UBXN6: variants seen among roughly 807,000 people sequenced by gnomAD.
UBXN6 encodes UBX domain-containing protein 6.
A neutral mutation model predicts 51.4 loss-of-function variants in UBXN6; 44 were observed. The observed-to-expected ratio is 0.86, with a 90% confidence interval of 0.67 to 1.10. The LOEUF (loss-of-function observed/expected upper bound fraction) is 1.10. UBXN6 is among the 50% of genes least tolerant of loss of function. The pLI is 0.00. For synonymous variants in UBXN6, 316 were observed against 263.2 expected, an observed-to-expected ratio of 1.20 and a Z score of -1.94; for missense variants, 672 against 596.1, an observed-to-expected ratio of 1.13 and a Z score of -1.32.
intron 1 of UBXN6, among the ~76,000 whole-genome samples, chr19:4,456,845 C>T (rs1036898834): frequency 6.6e-6 from 1 of 152,134 alleles, no homozygotes; most frequent in Non-Finnish European, 1.5e-5. Flanking sequence ...AGGCCCCTCC[C>T]GGGTAAGAGT....
At chr19:4,447,042 C>G (rs984624938) in intron 6 of UBXN6, 122 bp from the exon 7 acceptor site, 1 of 985,408 alleles carries the variant, frequency 1.0e-6, no homozygotes. Context: ...TGGATGGGGC[C>G]CAGCCCTGGG....
In UBXN6 at chr19:4,452,423, T is replaced by C; in HGVS notation, c.382A>G (p.Thr128Ala). ...TGGTCCTTCCTCAGGGTGGCCCCAG[T>C]GAGCGGACAGGTGAAGTACACGCCA... ...VPGVYFTCPL[T>A]GATLRKDQRD... The change falls in exon 4 of 11, where the codon ACT (threonine) becomes GCT (alanine). Residue 128 changes from threonine to alanine, a missense_variant. Coordinates refer to ENST00000301281, the MANE Select transcript of UBXN6 (RefSeq NM_025241.3). 6.2e-7 allele frequency: 1 copy of C among 1,613,012 alleles called. No individual in the cohort carries two copies. Among genetic ancestry groups the C allele is most frequent in the South Asian group, 1.1e-5 (1 of 91,004 alleles).
chr19:4,450,636 G>A (rs564272889), intron 4 of UBXN6: 1 of 152,086 alleles, frequency 6.6e-6, no homozygotes, highest in African/African-American at 2.4e-5. Flanking sequence ...CGGTTCGCCT[G>A]TGGTCCCAGC....
intron 4 of UBXN6, 110 bp downstream of exon 4, chr19:4,452,254 T>G: frequency 6.7e-7 from 1 of 1,486,002 alleles, no homozygotes; most frequent in Non-Finnish European, 9.0e-7. Flanking sequence ...CTACTAGCAG[T>G]GGCCTCTGGG....
chr19:4,452,687 G>T (rs573197853), intron 3 of UBXN6, among the ~76,000 whole-genome samples, 195 bp from the exon 4 acceptor site: 45 of 152,180 alleles, frequency 3.0e-4, no homozygotes, highest in Non-Finnish European at 5.1e-4. Context: ...TATGTCAAAT[G>T]TCCCTGTGGG....
At chr19:4,451,029 T>C (rs571990594) in intron 4 of UBXN6, among the ~76,000 whole-genome samples, 1 of 151,710 alleles carries the variant, frequency 6.6e-6, no homozygotes, top group South Asian at 2.1e-4. Context: ...GTCTGGAGAG[T>C]CTATGGAACT....
intron 3 of UBXN6, among the ~76,000 whole-genome samples, chr19:4,452,693 G>A (rs758250064): frequency 9.9e-5 from 15 of 152,178 alleles, no homozygotes; most frequent in Admixed American, 7.9e-4. Flanking sequence ...AAATGTCCCT[G>A]TGGGGCCTGC....
chr19:4,453,416 C>T, intron 3 of UBXN6, 42 bp downstream of exon 3: 1 of 1,598,998 alleles, frequency 6.3e-7, no homozygotes, highest in Non-Finnish European at 8.5e-7. Context: ...AAGCTGTCCC[C>T]ACCCCTTGGC....
intron 10 of UBXN6, 159 bp from the exon 11 acceptor site, chr19:4,445,782 G>GGGACTCCA: frequency 8.0e-7 from 1 of 1,246,942 alleles, no homozygotes; most frequent in East Asian, 2.5e-5. Flanking sequence ...CTCTCCCTCC[G>GGGACTCCA]GGACTCCAGG....
Position 4,445,323 on chromosome 19 carries a change from A to T in UBXN6, c.*175T>A. On this transcript the variant is annotated 3_prime_UTR_variant, in exon 11 of 11. Transcript: ENST00000301281. ...GGCGCATCCCCACAGCCCCCAAGGG[A>T]TGGGGGCTCTGCCACGGGGCCCAAT... is the stretch of plus-strand genomic sequence containing the variant. 2 of 1,080,444 alleles carry T rather than the reference A, an allele frequency of 1.9e-6. No individual in the cohort carries two copies. The highest frequency in any genetic ancestry group is 2.7e-6 in the Non-Finnish European group (2 of 753,802). The allele number at this position is 1,080,444 out of a possible 1,614,324, so 66.9% of individuals were successfully genotyped here.
intron 6 of UBXN6, chr19:4,447,139 A>G (rs1283677225): frequency 1.7e-6 from 1 of 600,434 alleles, no homozygotes; most frequent in Non-Finnish European, 3.0e-6. Flanking sequence ...AAGAGTCACA[A>G]CCAGGCACGA....
chr19:4,449,771 CAA>C (rs1335055169), intron 4 of UBXN6: 3 of 152,090 alleles, frequency 2.0e-5, no homozygotes, highest in African/African-American at 7.2e-5. Context: ...CAGCTGTAAG[CAA>C]AAGACAGGTG....
intron 1 of UBXN6, among the ~76,000 whole-genome samples, chr19:4,456,452 C>T (rs1326303070): frequency 6.6e-6 from 1 of 151,776 alleles, no homozygotes; most frequent in Non-Finnish European, 1.5e-5. Flanking sequence ...ATCCCTTCCA[C>T]TATTGCTTAC....
Position 4,446,305 on chromosome 19 carries a change from G to A in UBXN6, c.1029C>T (p.Leu343=). 2 of 1,572,822 alleles carry A rather than the reference G, an allele frequency of 1.3e-6. No individual in the cohort carries two copies. The highest frequency in any genetic ancestry group is 1.7e-6 in the Non-Finnish European group (2 of 1,164,132). Reference sequence around the variant, plus strand: ...CACCCTGCAGGAGGCAGCCATCGGGGAGGCGCACGCGCAGCAGCGTGTAGT... The same window carrying A: ...CACCCTGCAGGAGGCAGCCATCGGGAAGGCGCACGCGCAGCAGCGTGTAGT... ...KYNYTLLRVR[L]PDGCLLQGTF... is the part of the protein sequence containing the mutation. Residue 343 remains leucine, a synonymous_variant, in exon 9 of 11, where the codon CTC becomes CTT. Transcript: ENST00000301281.
chr19:4,446,174 G>A lies in UBXN6; in HGVS notation c.1075C>T (p.Leu359=), dbSNP rs886620982. The change falls in exon 10 of 11, where the codon CTG becomes TTG. Residue 359 remains leucine (L), a synonymous_variant. Coordinates refer to ENST00000301281, the MANE Select transcript of UBXN6 (RefSeq NM_025241.3). The part of the protein sequence containing the change: ...LQGTFYARER[L]GAVYGFVREA... ...CGGACGAACCCGTACACCGCCCCCA[G>A]CCGCTCCCGAGCGTAGAAAGTGCCT... 2 of 1,608,674 alleles carry A rather than the reference G, an allele frequency of 1.2e-6. No individual in the cohort carries two copies. The highest frequency in any genetic ancestry group is 2.7e-5 in the African/African-American group (2 of 74,890).
intron 2 of UBXN6, 121 bp from the exon 3 acceptor site, chr19:4,453,643 C>T (rs1323813674): frequency 8.0e-7 from 1 of 1,253,612 alleles, no homozygotes; most frequent in Non-Finnish European, 1.1e-6. Flanking sequence ...CAGCCTGCTT[C>T]TGCTGGAGGT....
At chr19:4,448,287 G>A (rs1248347851) in intron 5 of UBXN6, 31 bp downstream of exon 5, 2 of 1,564,904 alleles carry the variant, frequency 1.3e-6, no homozygotes, top group African/African-American at 1.4e-5. Context: ...AGCTGGAGGG[G>A]CCAGGCAGGG....
rs372573234 is a variant in UBXN6, at chr19:4,448,692, G to T, written c.442-277C>A. ...CATGGGACTTGGAAGCCAGTGTGAC[G>T]CGACAGAACTGTGCCTCACACTCTG... On this transcript the variant is annotated intron_variant, in intron 4 of 10. Coordinates refer to ENST00000301281, the MANE Select transcript of UBXN6 (RefSeq NM_025241.3). 2.6e-4 allele frequency: 125 copies of T among 485,190 alleles called. 2 individuals carry two copies. Among genetic ancestry groups the T allele is most frequent in the African/African-American group, 1.1e-3 (58 of 51,476 alleles). 30.1% of individuals were successfully genotyped at this position (485,190 alleles called of 1,614,324 possible).
At position 4,446,864 on chromosome 19, in the gene UBXN6, C is replaced by G; in HGVS notation, c.672G>C (p.Gln224His). ...THEFFEAIGF[Q>H]KVLLPAQDQE... ...GATCCTGGGCGGGAAGCAACACCTTCTGGAACCCAATGGCCTCAAAAAACT... is the reference window on the plus strand; with the variant it reads ...GATCCTGGGCGGGAAGCAACACCTTGTGGAACCCAATGGCCTCAAAAAACT... The change falls in exon 7 of 11, where the codon CAG (glutamine) becomes CAC (histidine). Residue 224 changes from glutamine to histidine, a missense_variant. Physicochemically the swap from Gln to His is conservative, Grantham distance 24. Transcript: ENST00000301281. 1.9e-6 allele frequency: 3 copies of G among 1,614,086 alleles called. No individual in the cohort carries two copies. Among genetic ancestry groups the G allele is most frequent in the Non-Finnish European group, 2.5e-6 (3 of 1,180,038 alleles).
Sources: gnomAD v4.1 joint callset for allele counts (sites outside exome capture counted in the v4.1 genomes callset) on GRCh38, gnomAD v4.1.1 for gene constraint, MANE v1.5 for transcripts, NCBI Gene and HGNC (gene_info 2026-07-23, HGNC 2026-07-21) for gene names.